The following IGFBP4 variants were observed in gnomAD, a reference collection of about 807,000 sequenced individuals.
The protein encoded by IGFBP4 is insulin-like growth factor-binding protein 4.
Under a neutral mutation model 25.8 loss-of-function variants are expected in IGFBP4, and 9 were observed. The ratio of observed to expected loss-of-function variants is 0.35; its 90% CI spans 0.21 to 0.61. The LOEUF (loss-of-function observed/expected upper bound fraction) is 0.61. IGFBP4 is among the 20% of genes least tolerant of loss of function. The pLI, the probability that IGFBP4 is intolerant of heterozygous loss-of-function variation, is 0.77. For missense variants in IGFBP4, 315 were observed against 365.3 expected (o/e 0.86, Z 1.12); for synonymous variants, 153 against 153.9 (o/e 0.99, Z 0.05).
At position 40,443,912 on chromosome 17, in the gene IGFBP4, C is replaced by T. The variant is rs1305391664; in HGVS notation, c.177C>T (p.Cys59=). 4.6e-6 allele frequency: 7 copies of T among 1,530,296 alleles called. No individual in the cohort carries two copies. Among genetic ancestry groups the T allele is most frequent in the Non-Finnish European group, 6.1e-6 (7 of 1,143,858 alleles). 94.8% of individuals were successfully genotyped at this position (1,530,296 alleles called of 1,614,324 possible). A position where few individuals can be genotyped will look rare whatever the true frequency, so the allele number is the denominator to read the frequency against. Residue 59 remains cysteine (C), a synonymous_variant, in exon 1 of 4, where the codon TGC becomes TGT. Transcript: ENST00000269593. ...CGGGCTGCGGCTGTTGCGCCACTTG[C>T]GCCCTGGGCTTGGGGATGCCCTGCG... ...REPGCGCCAT[C]ALGLGMPCGV... is the part of the protein sequence containing the mutation.
Position 40,456,610 on chromosome 17 carries a change from C to T in IGFBP4, c.*27C>T, listed in dbSNP as rs775290690. The stretch of plus-strand genomic sequence containing the variant: ...GCCTGCCAGCAGGCCAGGGACTCAG[C>T]GTCCCCTGCTACTCCTGTGCTCTGG... On this transcript the variant is annotated 3_prime_UTR_variant, in exon 4 of 4. Transcript: ENST00000269593. 2.6e-5 allele frequency: 42 copies of T among 1,604,362 alleles called. No individual in the cohort carries two copies. The highest frequency in any genetic ancestry group is 1.1e-4 in the East Asian group (5 of 44,758).
intron 1 of IGFBP4, among the ~76,000 whole-genome samples, chr17:40,445,103 T>G (rs1242942013): frequency 6.6e-6 from 1 of 152,172 alleles, no homozygotes; most frequent in Non-Finnish European, 1.5e-5. Flanking sequence ...TCTTCCTGAT[T>G]TGTCTCTCAA....
At position 40,443,621 on chromosome 17, in the gene IGFBP4, G is replaced by A. The variant is rs1159687296; in HGVS notation, c.-115G>A. The A allele has an allele frequency of 2.9e-6, 1 of 347,818 alleles. No individual in the cohort carries two copies. The highest frequency in any genetic ancestry group is 1.4e-4 in the East Asian group (1 of 6,980). The allele number at this position is 347,818 out of a possible 1,614,324, so 21.5% of individuals were successfully genotyped here. ...CCCGTCTCCCCGCGCCCTCCGGGTC[G>A]GGTCCTCCAGGAGCGCCAGGCGCTG... On this transcript the variant is annotated 5_prime_UTR_variant, in exon 1 of 4. Transcript: ENST00000269593.
At chr17:40,444,558 C>T (rs953345794) in intron 1 of IGFBP4, among the ~76,000 whole-genome samples, 4 of 151,942 alleles carry the variant, frequency 2.6e-5, no homozygotes, top group African/African-American at 7.3e-5. Context: ...TTACATGGTC[C>T]AGTGGTGGAG....
At chr17:40,444,417 GC>G (rs142677213) in intron 1 of IGFBP4, among the ~76,000 whole-genome samples, 3,302 of 152,298 alleles carry the variant, frequency 0.022, 288 homozygotes, top group Admixed American at 0.16. Flanking sequence ...GCTGTCTAGG[GC>G]CAGAGAACTG....
At chr17:40,444,926 C>CACACACAGAGAGAGAG (rs1456516087) in intron 1 of IGFBP4, among the ~76,000 whole-genome samples, 1 of 62,684 alleles carries the variant, frequency 1.6e-5, no homozygotes, top group Non-Finnish European at 3.8e-5. Flanking sequence ...CACACACACA[C>CACACACAGAGAGAGAG]AGAGACAGAG....
Position 40,452,985 on chromosome 17 carries a change from A to G in IGFBP4, c.350A>G (p.Asp117Gly), listed in dbSNP as rs1261594150. ...TCTCCTTATCGCTACCTGAATACAGACAAGGACGAGGGTGACCACCCCAAC... is the reference window on the plus strand; with the variant it reads ...TCTCCTTATCGCTACCTGAATACAGGCAAGGACGAGGGTGACCACCCCAAC... ...EAIQESLQPS[D>G]KDEGDHPNNS... is the part of the protein sequence containing the mutation. The change falls in exon 2 of 4, where the codon GAC becomes GGC. Residue 117 changes from aspartate (D) to glycine (G), a missense_variant and splice_region_variant. Asp to Gly is a moderately conservative substitution (Grantham distance 94). Transcript: ENST00000269593. 6.6e-7 allele frequency: 1 copy of G among 1,526,604 alleles called. No individual in the cohort carries two copies. Among genetic ancestry groups the G allele is most frequent in the Non-Finnish European group, 8.8e-7 (1 of 1,130,024 alleles). 94.6% of individuals were successfully genotyped at this position (1,526,604 alleles called of 1,614,324 possible). A position where few individuals can be genotyped will look rare whatever the true frequency, so the allele number is the denominator to read the frequency against.
At position 40,453,912 on chromosome 17, in the gene IGFBP4, T is replaced by A; in HGVS notation, c.508-16T>A. On this transcript the variant is annotated splice_polypyrimidine_tract_variant and intron_variant, in intron 2 of 3. Transcript: ENST00000269593. This position sits in a 1 kb window ranked among gnomAD's most constrained non-coding sequence, Gnocchi z 4.0. ...CTCTTCCTTCTGCTGAGCAATTTTGTCTTCCCCTCCTCCAGCCCCAGGGCT... is the reference window on the plus strand; with the variant it reads ...CTCTTCCTTCTGCTGAGCAATTTTGACTTCCCCTCCTCCAGCCCCAGGGCT... 1 of 1,592,776 alleles carries A rather than the reference T, an allele frequency of 6.3e-7. No individual in the cohort carries two copies. Among genetic ancestry groups the A allele is most frequent in the Non-Finnish European group, 8.5e-7 (1 of 1,170,168 alleles).
At chr17:40,444,858 CAGAGAGAGAGAG>C (rs112583043) in intron 1 of IGFBP4, among the ~76,000 whole-genome samples, 7 of 122,840 alleles carry the variant, frequency 5.7e-5, no homozygotes, top group Admixed American at 4.2e-4. Flanking sequence ...GGGAGAGAAA[CAGAGAGAGAGAG>C]AGAGAGAGAG....
intron 1 of IGFBP4, among the ~76,000 whole-genome samples, chr17:40,447,430 C>T (rs2035655170): frequency 6.6e-6 from 1 of 152,194 alleles, no homozygotes; most frequent in African/African-American, 2.4e-5. Flanking sequence ...GGCTCTCAGT[C>T]CCTTTGGGAC....
In IGFBP4 at chr17:40,456,714, C is replaced by A; in HGVS notation, c.*131C>A. Reference sequence around the variant, plus strand: ...GCGGCCCAGAAGTTTCCCTCAAATGCGCGTGTGCACGTGTGCGTGTGCGTG... The same window carrying A: ...GCGGCCCAGAAGTTTCCCTCAAATGAGCGTGTGCACGTGTGCGTGTGCGTG... On this transcript the variant is annotated 3_prime_UTR_variant, in exon 4 of 4. Transcript: ENST00000269593. 2 of 852,594 alleles carry A rather than the reference C, an allele frequency of 2.3e-6. No individual in the cohort carries two copies. Among genetic ancestry groups the A allele is most frequent in the South Asian group, 1.7e-5 (1 of 58,902 alleles). 52.8% of individuals were successfully genotyped at this position (852,594 alleles called of 1,614,324 possible).
In IGFBP4 at chr17:40,457,136, G is replaced by A. The variant is rs1290654338; in HGVS notation, c.*553G>A. 6.6e-6 allele frequency: 1 copy of A among 152,420 alleles called. No homozygotes were observed. The highest frequency in any genetic ancestry group is 1.5e-5 in the Non-Finnish European group (1 of 68,260). The allele number at this position is 152,420 out of a possible 1,614,324, so 9.4% of individuals were successfully genotyped here. ...CTTCCTCTCAAGCTAGCCAGAGGGTGGGAGCCTAAGGAAGCGTGGGGTAGC... is the reference window on the plus strand; with the variant it reads ...CTTCCTCTCAAGCTAGCCAGAGGGTAGGAGCCTAAGGAAGCGTGGGGTAGC... On this transcript the variant is annotated 3_prime_UTR_variant, in exon 4 of 4. Coordinates refer to ENST00000269593, the MANE Select transcript of IGFBP4 (RefSeq NM_001552.3).
At chr17:40,451,838 T>G (rs948575668) in intron 1 of IGFBP4, among the ~76,000 whole-genome samples, 2 of 152,090 alleles carry the variant, frequency 1.3e-5, no homozygotes, top group African/African-American at 4.8e-5. Flanking sequence ...TGTATTTTAT[T>G]TTATTTTATT....
At chr17:40,447,039 C>G (rs1175948696) in intron 1 of IGFBP4, among the ~76,000 whole-genome samples, 1 of 152,260 alleles carries the variant, frequency 6.6e-6, no homozygotes, top group African/African-American at 2.4e-5. Context: ...TTTGGGCCCA[C>G]TGGCCCGCGA....
chr17:40,452,971 C>T lies in IGFBP4; in HGVS notation c.350-14C>T, dbSNP rs745602905. The T allele has an allele frequency of 1.4e-5, 21 of 1,497,294 alleles. 1 individual carries two copies. The Admixed American group carries it at 4.2e-4, about 30-fold the overall frequency. 92.8% of individuals were successfully genotyped at this position (1,497,294 alleles called of 1,614,324 possible). On this transcript the variant is annotated splice_polypyrimidine_tract_variant and intron_variant, in intron 1 of 3. Transcript: ENST00000269593. ...TTCCGGTGCTGACCTCTCCTTATCG[C>T]TACCTGAATACAGACAAGGACGAGG...
At position 40,456,540 on chromosome 17, in the gene IGFBP4, G is replaced by T. The variant is rs774070598; in HGVS notation, c.734G>T (p.Gly245Val). ...VKLPGGLEPK[G>V]ELDCHQLADS... ...CTTCCGGGGGGCCTGGAGCCAAAGGGGGAGCTGGACTGCCACCAGCTGGCT... is the reference window on the plus strand; with the variant it reads ...CTTCCGGGGGGCCTGGAGCCAAAGGTGGAGCTGGACTGCCACCAGCTGGCT... Residue 245 changes from glycine to valine, a missense_variant, in exon 4 of 4, where the codon GGG becomes GTG. Gly to Val is a moderately radical substitution (Grantham distance 109). Transcript: ENST00000269593. The T allele has an allele frequency of 6.2e-7, 1 of 1,613,608 alleles. No individual in the cohort carries two copies. Among genetic ancestry groups the T allele is most frequent in the South Asian group, 1.1e-5 (1 of 91,052 alleles).
In IGFBP4 at chr17:40,453,816, T is replaced by A. The variant is rs1187533139; in HGVS notation, c.508-112T>A. The A allele has an allele frequency of 2.7e-6, 2 of 730,254 alleles. No homozygotes were observed. The allele number at this position is 730,254 out of a possible 1,614,324, so 45.2% of individuals were successfully genotyped here. On this transcript the variant is annotated intron_variant, in intron 2 of 3. Coordinates refer to ENST00000269593, the MANE Select transcript of IGFBP4 (RefSeq NM_001552.3). This position sits in a 1 kb window ranked among gnomAD's most constrained non-coding sequence, Gnocchi z 4.0. ...ACCTCACTGGGTCCTGCCCAGCCCC[T>A]GGGGCTCAGGCCTCCTTTCGGGGCC... is the stretch of plus-strand genomic sequence containing the variant.
At chr17:40,454,272 G>A (rs796180157) in intron 3 of IGFBP4, among the ~76,000 whole-genome samples, 27 of 152,272 alleles carry the variant, frequency 1.8e-4, no homozygotes, top group South Asian at 6.2e-4. Flanking sequence ...GAGTAAAAGC[G>A]CCGGGCTAGT....
Position 40,455,551 on chromosome 17 carries a change from C to T in IGFBP4, c.643-898C>T, listed in dbSNP as rs139347230. Among the ~76,000 whole-genome samples the T allele has an allele frequency of 4.6e-4, 70 of 150,978 alleles. 2 individuals carry two copies. The highest frequency in any genetic ancestry group is 2.5e-4 in the Non-Finnish European group (17 of 67,646). ...AGGCTGGAGTGCAATGGTGGGATCTCGGCTCACTGCAACCTCCATCTCCCG... is the reference window on the plus strand; with the variant it reads ...AGGCTGGAGTGCAATGGTGGGATCTTGGCTCACTGCAACCTCCATCTCCCG... On this transcript the variant is annotated intron_variant, in intron 3 of 3. Transcript: ENST00000269593.
Sources: gnomAD v4.1 joint callset for allele counts (sites outside exome capture counted in the v4.1 genomes callset) on GRCh38, gnomAD v4.1.1 for gene constraint, Gnocchi (gnomAD v3.1) non-coding constraint, MANE v1.5 for transcripts, NCBI Gene and HGNC (gene_info 2026-07-23, HGNC 2026-07-21) for gene names.